Variants in FIGNL2 observed in about 807,000 individuals in gnomAD.
FIGNL2 encodes fidgetin like 2.
For missense variants in FIGNL2, 1,060 were observed against 950.2 expected (o/e 1.12, Z -1.52); for synonymous variants, 565 against 484.0 (o/e 1.17, Z -2.20).
At position 51,821,927 on chromosome 12, in the gene FIGNL2, C is replaced by T. The variant is rs1939216914; in HGVS notation, c.487G>A (p.Gly163Ser). The T allele has an allele frequency of 2.0e-6, 3 of 1,506,902 alleles. No homozygotes were observed. Among genetic ancestry groups the T allele is most frequent in the Non-Finnish European group, 2.7e-6 (3 of 1,129,518 alleles). The allele number at this position is 1,506,902 out of a possible 1,614,324, so 93.3% of individuals were successfully genotyped here. A position where few individuals can be genotyped will look rare whatever the true frequency, so the allele number is the denominator to read the frequency against. Residue 163 changes from glycine (G) to serine (S), a missense_variant, in exon 2 of 2, where the codon GGC becomes AGC. Coordinates refer to ENST00000618634, the MANE Select transcript of FIGNL2 (RefSeq NM_001384995.1). ...SAAPEYAAGYGGGYLAPGYCA... is the reference protein window; with the variant it reads ...SAAPEYAAGYSGGYLAPGYCA... Reference sequence around the variant, plus strand: ...TAACCCGGCGCCAGGTACCCCCCGCCGTAGCCGGCCGCGTACTCGGGCGCC... The same window carrying T: ...TAACCCGGCGCCAGGTACCCCCCGCTGTAGCCGGCCGCGTACTCGGGCGCC...
intron 1 of FIGNL2, among the ~76,000 whole-genome samples, chr12:51,827,428 A>T (rs1440561851): frequency 6.6e-6 from 1 of 151,160 alleles, no homozygotes; most frequent in Admixed American, 6.6e-5. Flanking sequence ...GTTTTGCCAT[A>T]TTGGCCAGAC....
intron 1 of FIGNL2, among the ~76,000 whole-genome samples, chr12:51,833,582 C>T (rs1939511865): frequency 6.6e-6 from 1 of 152,210 alleles, no homozygotes; most frequent in African/African-American, 2.4e-5. Flanking sequence ...CTCCTCCCTC[C>T]CTTCCACACC....
chr12:51,822,157 G>A lies in FIGNL2; in HGVS notation c.257C>T (p.Ala86Val), dbSNP rs1229099233. Residue 86 changes from alanine to valine, a missense_variant, in exon 2 of 2, where the codon GCC (alanine) becomes GTC (valine). Ala to Val is a moderately conservative substitution (Grantham distance 64). Coordinates refer to ENST00000618634, the MANE Select transcript of FIGNL2 (RefSeq NM_001384995.1). ...ERPALGGYSD[A>V]SFLNGAKGDP... ...CCCTTTGGCGCCGTTGAGGAAGGAG[G>A]CGTCGCTGTACCCGCCCAGGGCCGG... 2 of 1,611,504 alleles carry A rather than the reference G, an allele frequency of 1.2e-6. No individual in the cohort carries two copies. Among genetic ancestry groups the A allele is most frequent in the Admixed American group, 1.7e-5 (1 of 59,688 alleles).
chr12:51,822,305 C>T lies in FIGNL2; in HGVS notation c.109G>A (p.Gly37Arg), dbSNP rs1565942684. 11 of 1,612,342 alleles carry T rather than the reference C, an allele frequency of 6.8e-6. No individual in the cohort carries two copies. The highest frequency in any genetic ancestry group is 9.3e-6 in the Non-Finnish European group (11 of 1,179,336). ...SPAHKLELPP[G>R]GRQRCHYAWA... ...GCGTAGTGGCAGCGTTGGCGACCCC[C>T]AGGGGGCAACTCCAACTTGTGGGCC... Residue 37 changes from glycine (G) to arginine (R), a missense_variant, in exon 2 of 2, where the codon GGG (glycine) becomes AGG (arginine). By Grantham distance (125) the Gly-to-Arg change is moderately radical (BLOSUM62 -2). Transcript: ENST00000618634.
intron 1 of FIGNL2, chr12:51,824,619 A>AT (rs1331177757): frequency 1.3e-5 from 2 of 152,252 alleles, no homozygotes; most frequent in African/African-American, 2.4e-5. Flanking sequence ...TTGGGGGCAG[A>AT]TATGCAGCCC....
intron 1 of FIGNL2, 123 bp downstream of exon 1, chr12:51,848,417 C>G: frequency 1.0e-6 from 1 of 983,534 alleles, no homozygotes; most frequent in East Asian, 1.1e-4. Flanking sequence ...AGCTGAACCC[C>G]GCGACTAGCA....
chr12:51,834,696 G>C lies in FIGNL2; in HGVS notation c.-11-12272C>G, dbSNP rs374352523. Among the ~76,000 whole-genome samples the C allele has an allele frequency of 3.6e-3, 549 of 152,348 alleles. 4 individuals are homozygous for C. Among genetic ancestry groups the C allele is most frequent in the African/African-American group, 0.012 (508 of 41,578 alleles). ...TGTGTACGCGTGCACACGCTGACGG[G>C]AGGGGACAGCACAGATATCCCTGCC... On this transcript the variant is annotated intron_variant, in intron 1 of 1. Coordinates refer to ENST00000618634, the MANE Select transcript of FIGNL2 (RefSeq NM_001384995.1).
chr12:51,834,523 G>A (rs963254356), intron 1 of FIGNL2, among the ~76,000 whole-genome samples: 1 of 152,342 alleles, frequency 6.6e-6, no homozygotes. Flanking sequence ...TCCTGGAGGT[G>A]CGGAGGCCGC....
At chr12:51,846,746 T>TC (rs1356241117) in intron 1 of FIGNL2, among the ~76,000 whole-genome samples, 8 of 151,088 alleles carry the variant, frequency 5.3e-5, no homozygotes, top group Non-Finnish European at 1.5e-5. Context: ...GCAACAGGAA[T>TC]CCCCCCGAGG....
At chr12:51,826,473 CA>C (rs34534453) in intron 1 of FIGNL2, among the ~76,000 whole-genome samples, 48,275 of 131,814 alleles carry the variant, frequency 0.37, 8,537 homozygotes, top group East Asian at 0.5. Flanking sequence ...ACTAAAAATA[CA>C]AAAAAAAAAA....
At chr12:51,847,952 C>T (rs1180895491) in intron 1 of FIGNL2, among the ~76,000 whole-genome samples, 3 of 152,094 alleles carry the variant, frequency 2.0e-5, no homozygotes, top group East Asian at 3.9e-4. Context: ...TCTGTTCTCC[C>T]GGGCCAGAGG....
intron 1 of FIGNL2, among the ~76,000 whole-genome samples, chr12:51,846,851 C>T (rs768866095): frequency 2.6e-4 from 40 of 152,358 alleles, no homozygotes; most frequent in Non-Finnish European, 4.3e-4. Context: ...GAAGATATTA[C>T]AGCGAGGACA....
At chr12:51,823,798 A>C (rs1939275675) in intron 1 of FIGNL2, among the ~76,000 whole-genome samples, 1 of 152,216 alleles carries the variant, frequency 6.6e-6, no homozygotes, top group Non-Finnish European at 1.5e-5. Context: ...GCACATTCCA[A>C]GTGTTTTGCT....
rs1393346300 is a variant in FIGNL2, at chr12:51,821,250, C to G, written c.1164G>C (p.Pro388=). The part of the protein sequence containing the change: ...VTSKMVDCGP[P]VQWADVAGQG... ...GGCCCGCCACATCCGCCCACTGCACCGGGGGCCCGCAGTCCACCATCTTGC... is the reference window on the plus strand; with the variant it reads ...GGCCCGCCACATCCGCCCACTGCACGGGGGGCCCGCAGTCCACCATCTTGC... The change falls in exon 2 of 2, where the codon CCG becomes CCC. Residue 388 remains proline (P), a synonymous_variant. Coordinates refer to ENST00000618634, the MANE Select transcript of FIGNL2 (RefSeq NM_001384995.1). The G allele has an allele frequency of 6.6e-7, 1 of 1,525,916 alleles. No homozygotes were observed. Among genetic ancestry groups the G allele is most frequent in the East Asian group, 2.5e-5 (1 of 39,246 alleles). The allele number at this position is 1,525,916 out of a possible 1,614,324, so 94.5% of individuals were successfully genotyped here. A position where few individuals can be genotyped will look rare whatever the true frequency, so the allele number is the denominator to read the frequency against.
intron 1 of FIGNL2, chr12:51,825,991 A>G (rs1266027354): frequency 1.3e-5 from 2 of 152,118 alleles, no homozygotes; most frequent in African/African-American, 4.8e-5. Flanking sequence ...CTTCCACTCC[A>G]GGTAAATTTC....
rs189848853 is a variant in FIGNL2 at position 51,827,505 on chromosome 12, C to T, written c.-11-5081G>A. Among the ~76,000 whole-genome samples, 18 of 152,204 alleles carry T rather than the reference C, an allele frequency of 1.2e-4. No individual in the cohort carries two copies. The East Asian group carries it at 3.5e-3, about 29-fold the overall frequency. On this transcript the variant is annotated intron_variant, in intron 1 of 1. Transcript: ENST00000618634. ...CCTACCAAAGTGCTGGGATTACAGGCCTGAGCCACTGCACCCAGCCAATTT... is the reference window on the plus strand; with the variant it reads ...CCTACCAAAGTGCTGGGATTACAGGTCTGAGCCACTGCACCCAGCCAATTT...
intron 1 of FIGNL2, chr12:51,847,048 G>A (rs954553788): frequency 2.0e-6 from 2 of 985,010 alleles, no homozygotes; most frequent in Admixed American, 6.2e-5. Context: ...CAGCTCGCGC[G>A]GCCGCCCGGT....
intron 1 of FIGNL2, chr12:51,824,091 C>G (rs1184901649): frequency 6.6e-6 from 1 of 152,226 alleles, no homozygotes; most frequent in Non-Finnish European, 1.5e-5. Flanking sequence ...AGCTCACGTA[C>G]CGTATTCCCT....
rs1442777847 is a variant in FIGNL2 at position 51,821,432 on chromosome 12, C to A, written c.982G>T (p.Val328Phe). The change falls in exon 2 of 2, where the codon GTC becomes TTC. Residue 328 changes from valine to phenylalanine, a missense_variant. By Grantham distance (50) the Val-to-Phe change is conservative. Coordinates refer to ENST00000618634, the MANE Select transcript of FIGNL2 (RefSeq NM_001384995.1). ...GGGGAGCCCAGGACCTTGAGGGGGACGCCGCCACCGTACTTGCCCGACGCC... is the reference window on the plus strand; with the variant it reads ...GGGGAGCCCAGGACCTTGAGGGGGAAGCCGCCACCGTACTTGCCCGACGCC... ...EEASGKYGGG[V>F]PLKVLGSPVY... 5.9e-6 allele frequency: 9 copies of A among 1,537,944 alleles called. No individual in the cohort carries two copies. The South Asian group carries it at 8.4e-5, about 14-fold the overall frequency.
Sources: gnomAD v4.1 joint callset for allele counts (sites outside exome capture counted in the v4.1 genomes callset) on GRCh38, gnomAD v4.1.1 for gene constraint, MANE v1.5 for transcripts, NCBI Gene and HGNC (gene_info 2026-07-23, HGNC 2026-07-21) for gene names.